Variants in HPSE2 observed in about 807,000 individuals in gnomAD.
HPSE2 encodes inactive heparanase-2.
In HPSE2, 38 loss-of-function variants were observed where a neutral mutation model predicts 60.5. That is an observed-to-expected ratio of 0.63 (90% CI 0.48 to 0.82). The LOEUF is 0.82. Among genes scored for constraint, HPSE2 ranks in the 40% least tolerant of loss-of-function variants. The probability of loss-of-function intolerance (pLI) is 0.00; values close to 1 mark genes in which losing one functional copy is unlikely to be tolerated. For missense variants in HPSE2, 713 were observed against 740.4 expected (o/e 0.96, Z 0.43); for synonymous variants, 295 against 293.2 (o/e 1.01, Z -0.06).
At chr10:98,533,864 A>G (rs1057192005) in intron 9 of HPSE2, among the ~76,000 whole-genome samples, 1 of 152,212 alleles carries the variant, frequency 6.6e-6, no homozygotes, top group Non-Finnish European at 1.5e-5. Flanking sequence ...GGTCATTAAT[A>G]GTCATCTGAA....
chr10:98,549,551 T>C (rs1183844015), intron 9 of HPSE2, among the ~76,000 whole-genome samples: 1 of 152,206 alleles, frequency 6.6e-6, no homozygotes, highest in Non-Finnish European at 1.5e-5. Flanking sequence ...ACTGTGGGTC[T>C]CCCTTGCAGC....
At chr10:98,993,236 T>C (rs1461319231) in intron 3 of HPSE2, among the ~76,000 whole-genome samples, 2 of 152,232 alleles carry the variant, frequency 1.3e-5, no homozygotes, top group African/African-American at 4.8e-5. Context: ...TGGCTAGGCC[T>C]TAAAAAATGA....
intron 9 of HPSE2, among the ~76,000 whole-genome samples, chr10:98,590,346 G>A (rs915544320): frequency 2.0e-4 from 30 of 152,246 alleles, no homozygotes; most frequent in African/African-American, 7.2e-4. Flanking sequence ...GGAGGCTGAG[G>A]CAGGAGAATG....
At chr10:98,933,875 G>C (rs1180991374) in intron 3 of HPSE2, among the ~76,000 whole-genome samples, 1 of 141,280 alleles carries the variant, frequency 7.1e-6, no homozygotes, top group African/African-American at 3.0e-5. Flanking sequence ...GGGACTACAG[G>C]CGCCCACCAC....
chr10:99,078,670 G>A (rs1018294176), intron 3 of HPSE2, among the ~76,000 whole-genome samples: 7 of 152,116 alleles, frequency 4.6e-5, no homozygotes, highest in African/African-American at 1.4e-4. Context: ...GGCCAACACT[G>A]TATCTCCAAT....
intron 1 of HPSE2, among the ~76,000 whole-genome samples, chr10:99,235,131 C>A (rs1849798610): frequency 6.8e-6 from 1 of 147,794 alleles, no homozygotes; most frequent in South Asian, 2.2e-4. Context: ...CACACACATA[C>A]CCATTCCTTT....
At chr10:98,796,785 G>A (rs1054508619) in intron 3 of HPSE2, among the ~76,000 whole-genome samples, 2 of 152,216 alleles carry the variant, frequency 1.3e-5, no homozygotes, top group African/African-American at 4.8e-5. Context: ...CCACAGGGGT[G>A]CTTGCATCAC....
intron 3 of HPSE2, among the ~76,000 whole-genome samples, chr10:99,075,645 G>A (rs1296438081): frequency 6.6e-6 from 1 of 151,972 alleles, no homozygotes; most frequent in Non-Finnish European, 1.5e-5. Flanking sequence ...CACTATTATA[G>A]GATTGTCATC....
intron 5 of HPSE2, among the ~76,000 whole-genome samples, chr10:98,698,985 T>C (rs990319926): frequency 5.3e-5 from 8 of 152,184 alleles, no homozygotes; most frequent in African/African-American, 1.9e-4. Context: ...GCTCTGAAAT[T>C]GTGGCAATAA....
In HPSE2 at chr10:98,591,822, G is replaced by A. The variant is rs148706875; in HGVS notation, c.1320+23082C>T. On this transcript the variant is annotated intron_variant, in intron 9 of 11. Transcript: ENST00000370552. ...TCTTCATTTCAATGTATCAGCGCAC[G>A]TATAACACTGCATTACACGGCCCAG... Among the ~76,000 whole-genome samples the A allele has an allele frequency of 2.5e-3, 387 of 152,168 alleles. 1 individual carries two copies. The highest frequency in any genetic ancestry group is 8.9e-3 in the African/African-American group (369 of 41,508).
At chr10:99,134,756 C>A (rs957076771) in intron 3 of HPSE2, among the ~76,000 whole-genome samples, 1 of 152,180 alleles carries the variant, frequency 6.6e-6, no homozygotes, top group African/African-American at 2.4e-5. Flanking sequence ...GTATCAGCCA[C>A]GGCAAAAACA....
At chr10:99,202,078 A>G (rs944298781) in intron 2 of HPSE2, among the ~76,000 whole-genome samples, 3 of 152,230 alleles carry the variant, frequency 2.0e-5, no homozygotes, top group Non-Finnish European at 4.4e-5. Flanking sequence ...AGGCCAGAAT[A>G]CAATCTTTAC....
intron 3 of HPSE2, among the ~76,000 whole-genome samples, chr10:99,030,824 T>G (rs561912402): frequency 6.6e-6 from 1 of 152,196 alleles, no homozygotes; most frequent in Non-Finnish European, 1.5e-5. Context: ...GATCTAGTCA[T>G]CTGCAATAAC....
chr10:98,580,553 T>G (rs1371547943), intron 9 of HPSE2, among the ~76,000 whole-genome samples: 2 of 152,102 alleles, frequency 1.3e-5, no homozygotes, highest in South Asian at 2.1e-4. Context: ...CAAGAGGTCC[T>G]TACATTTTCA....
intron 3 of HPSE2, among the ~76,000 whole-genome samples, chr10:98,963,715 T>C (rs1488485834): frequency 6.6e-6 from 1 of 152,078 alleles, no homozygotes; most frequent in Non-Finnish European, 1.5e-5. Flanking sequence ...ACAGGAAACA[T>C]AAAAACAGTT....
chr10:98,481,658 C>T (rs560742773), intron 11 of HPSE2, among the ~76,000 whole-genome samples: 185 of 152,266 alleles, frequency 1.2e-3, no homozygotes, highest in African/African-American at 4.1e-3. Context: ...GTTTTTTGCT[C>T]CCATTGCAAA....
chr10:99,059,602 A>G (rs1958188405), intron 3 of HPSE2, among the ~76,000 whole-genome samples: 1 of 152,160 alleles, frequency 6.6e-6, no homozygotes, highest in Admixed American at 6.6e-5. Flanking sequence ...TAAAAATATT[A>G]ACATGTCCCC....
At chr10:98,642,697 T>G (rs959506326) in intron 6 of HPSE2, among the ~76,000 whole-genome samples, 8 of 152,248 alleles carry the variant, frequency 5.3e-5, no homozygotes, top group African/African-American at 1.9e-4. Context: ...GAGATATCCT[T>G]TGTGAGACTC....
intron 9 of HPSE2, among the ~76,000 whole-genome samples, chr10:98,602,989 A>G (rs1223492803): frequency 6.6e-6 from 1 of 152,252 alleles, no homozygotes; most frequent in East Asian, 1.9e-4. Context: ...TCAAGAAAAT[A>G]AAAAGACAAC....
Sources: allele counts gnomAD v4.1 joint callset (sites outside exome capture counted in the v4.1 genomes callset), GRCh38; gene constraint gnomAD v4.1.1; transcripts MANE v1.5; gene names NCBI Gene and HGNC (gene_info 2026-07-23, HGNC 2026-07-21).